The following FAM171A1 variants were observed in gnomAD, a reference collection of about 807,000 sequenced individuals.
The protein encoded by FAM171A1 is protein FAM171A1.
Under a neutral mutation model 74.9 loss-of-function variants are expected in FAM171A1, and 23 were observed. That is an observed-to-expected ratio of 0.31 (90% CI 0.22 to 0.44). The LOEUF (loss-of-function observed/expected upper bound fraction) is 0.44, where lower values mean the gene tolerates loss of function less well. Among genes scored for constraint, FAM171A1 ranks in the 20% least tolerant of loss-of-function variants. FAM171A1 has a pLI of 1.00. For missense variants in FAM171A1, 1,162 were observed against 1,159.2 expected (o/e 1.00, Z -0.03); for synonymous variants, 527 against 505.7 (o/e 1.04, Z -0.57).
chr10:15,322,483 C>G (rs7073574), intron 1 of FAM171A1, among the ~76,000 whole-genome samples: 115,796 of 152,166 alleles, frequency 0.76, 44,199 homozygotes, highest in East Asian at 0.9. Flanking sequence ...ACTGTAGCAG[C>G]AGCTAGGTGG....
intron 3 of FAM171A1, among the ~76,000 whole-genome samples, chr10:15,255,405 A>C (rs1834566490): frequency 1.3e-5 from 2 of 152,184 alleles, no homozygotes; most frequent in Non-Finnish European, 1.5e-5. Context: ...AGCGGCAATG[A>C]ATCTTCTCTT....
intron 4 of FAM171A1, among the ~76,000 whole-genome samples, chr10:15,252,788 G>T (rs894335772): frequency 6.6e-6 from 1 of 152,196 alleles, no homozygotes; most frequent in Middle Eastern, 3.4e-3. Flanking sequence ...TCTTAAAATA[G>T]GACAAACTCC....
At chr10:15,286,441 C>A (rs2131811865) in intron 1 of FAM171A1, among the ~76,000 whole-genome samples, 1 of 152,156 alleles carries the variant, frequency 6.6e-6, no homozygotes, top group Non-Finnish European at 1.5e-5. Context: ...CCACGATGCC[C>A]CACTAATTTT....
intron 5 of FAM171A1, among the ~76,000 whole-genome samples, chr10:15,221,262 G>C (rs530362780): frequency 6.6e-6 from 1 of 152,228 alleles, no homozygotes; most frequent in African/African-American, 2.4e-5. Context: ...GGAAAGATAA[G>C]CAACTTTAGT....
chr10:15,238,130 G>A (rs1324765819), intron 5 of FAM171A1, among the ~76,000 whole-genome samples: 1 of 152,154 alleles, frequency 6.6e-6, no homozygotes, highest in Non-Finnish European at 1.5e-5. Context: ...AATGTTTGGG[G>A]GCACAGTGTA....
chr10:15,319,521 A>G (rs1020951905), intron 1 of FAM171A1, among the ~76,000 whole-genome samples: 18 of 152,178 alleles, frequency 1.2e-4, no homozygotes, highest in Non-Finnish European at 2.4e-4. Context: ...CAACCTCCAC[A>G]TCCCAGGTTC....
At chr10:15,232,107 C>T (rs1834214687) in intron 5 of FAM171A1, among the ~76,000 whole-genome samples, 1 of 152,132 alleles carries the variant, frequency 6.6e-6, no homozygotes, top group Non-Finnish European at 1.5e-5. Context: ...ACAACAGCAA[C>T]AAAAATTTCA....
At chr10:15,301,100 G>A (rs921801495) in intron 1 of FAM171A1, among the ~76,000 whole-genome samples, 1 of 152,146 alleles carries the variant, frequency 6.6e-6, no homozygotes, top group African/African-American at 2.4e-5. Flanking sequence ...AATTCTCCAT[G>A]GGTCTCTTAA....
intron 5 of FAM171A1, among the ~76,000 whole-genome samples, chr10:15,229,789 C>A (rs12784164): frequency 4.3e-5 from 1 of 23,356 alleles, no homozygotes; most frequent in South Asian, 2.0e-3. Context: ...ACCATCACCA[C>A]CATCACCATC....
At chr10:15,313,652 T>C (rs992876883) in intron 1 of FAM171A1, among the ~76,000 whole-genome samples, 1 of 152,178 alleles carries the variant, frequency 6.6e-6, no homozygotes, top group Non-Finnish European at 1.5e-5. Context: ...TTTCCAAGTC[T>C]TTCATAAGAA....
chr10:15,214,355 G>A lies in FAM171A1; in HGVS notation c.1233C>T (p.His411=), dbSNP rs1003896448. Residue 411 remains histidine, a synonymous_variant, in exon 8 of 8, where the codon CAC becomes CAT. Transcript: ENST00000378116. The part of the protein sequence containing the change: ...MMSPGGEGDL[H]TPMLKLSYST... ...TGTAGGAGAGCTTGAGCATGGGGGTGTGCAGGTCCCCTTCGCCGCCCGGAG... is the reference window on the plus strand; with the variant it reads ...TGTAGGAGAGCTTGAGCATGGGGGTATGCAGGTCCCCTTCGCCGCCCGGAG... 3 of 1,613,084 alleles carry A rather than the reference G, an allele frequency of 1.9e-6. No homozygotes were observed. Among genetic ancestry groups the A allele is most frequent in the African/African-American group, 2.7e-5 (2 of 75,020 alleles).
intron 5 of FAM171A1, among the ~76,000 whole-genome samples, chr10:15,245,731 G>C (rs1360435625): frequency 1.3e-5 from 2 of 150,866 alleles, no homozygotes; most frequent in Admixed American, 1.3e-4. Context: ...GCTTCTCAGT[G>C]CATTGACCTG....
At chr10:15,261,862 C>A (rs1303539109) in intron 3 of FAM171A1, among the ~76,000 whole-genome samples, 1 of 152,082 alleles carries the variant, frequency 6.6e-6, no homozygotes, top group African/African-American at 2.4e-5. Context: ...TCATCCTTGT[C>A]ATCCCAGTGC....
intron 5 of FAM171A1, among the ~76,000 whole-genome samples, chr10:15,223,960 T>G (rs7893353): frequency 0.51 from 78,142 of 151,794 alleles, 21,899 homozygotes; most frequent in African/African-American, 0.75. Context: ...GGGACAAGCC[T>G]AGTGGGTGAC....
chr10:15,373,375 A>C (rs1469664747), upstream of FAM171A1, among the ~76,000 whole-genome samples: 1 of 152,222 alleles, frequency 6.6e-6, no homozygotes, highest in Admixed American at 6.5e-5. Flanking sequence ...GGTAGGTATC[A>C]TTGTTTCCAT....
At chr10:15,288,055 G>C (rs534498621) in intron 1 of FAM171A1, among the ~76,000 whole-genome samples, 1 of 152,226 alleles carries the variant, frequency 6.6e-6, no homozygotes, top group Admixed American at 6.5e-5. Flanking sequence ...TTAGAATAAT[G>C]GTCTCCAATT....
intron 1 of FAM171A1, among the ~76,000 whole-genome samples, chr10:15,290,858 G>T (rs1835094081): frequency 6.6e-6 from 1 of 152,152 alleles, no homozygotes; most frequent in Admixed American, 6.6e-5. Flanking sequence ...AGGGGCCCTT[G>T]TGACTGAAGA....
chr10:15,273,490 T>C (rs1432025079), intron 3 of FAM171A1, among the ~76,000 whole-genome samples: 1 of 152,210 alleles, frequency 6.6e-6, no homozygotes, highest in Non-Finnish European at 1.5e-5. Context: ...CCATTCCTTG[T>C]AAAACTATTC....
chr10:15,245,431 C>T (rs992726701), intron 5 of FAM171A1, among the ~76,000 whole-genome samples: 9 of 152,186 alleles, frequency 5.9e-5, no homozygotes, highest in African/African-American at 2.2e-4. Flanking sequence ...ATCTCATCAG[C>T]CTGCCTTGCA....
Sources: gnomAD v4.1 joint callset for allele counts (sites outside exome capture counted in the v4.1 genomes callset) on GRCh38, gnomAD v4.1.1 for gene constraint, MANE v1.5 for transcripts, NCBI Gene and HGNC (gene_info 2026-07-23, HGNC 2026-07-21) for gene names.